PIEZO1: variants seen among roughly 807,000 people sequenced by gnomAD.
The protein encoded by PIEZO1 is piezo type mechanosensitive ion channel component 1 (Er blood group), also known as piezo-type mechanosensitive ion channel component 1.
A neutral mutation model predicts 297.2 loss-of-function variants in PIEZO1; 296 were observed. The observed-to-expected ratio is 1.00, with a 90% CI of 0.91 to 1.10. The LOEUF (loss-of-function observed/expected upper bound fraction) is 1.10, where lower values mean the gene tolerates loss of function less well. Ranked by LOEUF, PIEZO1 falls within the 50% of genes least tolerant of loss-of-function variation. PIEZO1 has a pLI of 0.00. For missense variants in PIEZO1, 5,018 were observed against 3,455.5 expected, an observed-to-expected ratio of 1.45 and a Z score of -11.34; for synonymous variants, 2,427 against 1,507.5, an observed-to-expected ratio of 1.61 and a Z score of -14.13.
At position 88,726,754 on chromosome 16, in the gene PIEZO1, C is replaced by G. The variant is rs746473353; in HGVS notation, c.3660G>C (p.Leu1220=). 9 of 1,550,006 alleles carry G rather than the reference C, an allele frequency of 5.8e-6. 1 individual carries two copies. The South Asian group carries it at 1.1e-4, about 18-fold the overall frequency. The change falls in exon 25 of 51, where the codon CTG becomes CTC. Residue 1220 remains leucine (L), a synonymous_variant. Coordinates refer to ENST00000301015, the MANE Select transcript of PIEZO1 (RefSeq NM_001142864.4). ...TGGAGATGATGACGGTGACGTTGTA[C>G]AGAATGAGGCAGTCCCACAGCACGA... The part of the protein sequence containing the change: ...ARLVLWDCLI[L]YNVTVIISKN...
At chr16:88,754,544 A>G (rs1906559164) in intron 1 of PIEZO1, among the ~76,000 whole-genome samples, 1 of 151,800 alleles carries the variant, frequency 6.6e-6, no homozygotes, top group Non-Finnish European at 1.5e-5. Flanking sequence ...ATCGAGGAGG[A>G]GCTGTCTGGC....
chr16:88,737,081 G>A (rs1597460668), intron 10 of PIEZO1: 3 of 246,322 alleles, frequency 1.2e-5, no homozygotes, highest in South Asian at 1.5e-4. Flanking sequence ...ATTGCAAAAT[G>A]GAAAATCAAG....
chr16:88,752,142 C>T (rs558654878), intron 1 of PIEZO1, among the ~76,000 whole-genome samples: 4 of 152,166 alleles, frequency 2.6e-5, no homozygotes. Flanking sequence ...CACAACAATG[C>T]GAACATGCTT....
chr16:88,734,293 G>A (rs1905063414), intron 16 of PIEZO1, 63 bp downstream of exon 16: 1 of 1,396,340 alleles, frequency 7.2e-7, no homozygotes. Flanking sequence ...CTCCCACCTG[G>A]CTCCCTCCCT....
At chr16:88,726,125 A>T (rs1904406518) in intron 27 of PIEZO1, 159 bp downstream of exon 27, 1 of 627,254 alleles carries the variant, frequency 1.6e-6, no homozygotes, top group Non-Finnish European at 2.8e-6. Context: ...GGTGCCGGGG[A>T]TCTGCCGGCC....
At chr16:88,722,134 C>A in intron 36 of PIEZO1, 68 bp from the exon 37 acceptor site, 1 of 1,521,724 alleles carries the variant, frequency 6.6e-7, no homozygotes, top group Admixed American at 2.0e-5. Context: ...CGATCTGTTG[C>A]CGGTCACAGT....
rs1352839803 is a variant in PIEZO1, at chr16:88,722,386, G to A, written c.4787C>T (p.Ala1596Val). The change falls in exon 36 of 51, where the codon GCG becomes GTG. Residue 1596 changes from alanine (A) to valine (V), a missense_variant. Transcript: ENST00000301015. ...APSTVSSGLGAEEPLSSMTDD... is the reference protein window; with the variant it reads ...APSTVSSGLGVEEPLSSMTDD... ...TGTCATGCTGCTGAGTGGCTCCTCC[G>A]CGCCCAGCCCACTGGGGAGGGAAGC... 2.5e-5 allele frequency: 37 copies of A among 1,505,212 alleles called. No homozygotes were observed. The highest frequency in any genetic ancestry group is 1.7e-4 in the Middle Eastern group (1 of 5,796). The allele number at this position is 1,505,212 out of a possible 1,614,324, so 93.2% of individuals were successfully genotyped here. A position where few individuals can be genotyped will look rare whatever the true frequency, so the allele number is the denominator to read the frequency against.
intron 4 of PIEZO1, 81 bp from the exon 5 acceptor site, chr16:88,741,697 T>C: frequency 1.6e-6 from 2 of 1,251,188 alleles, no homozygotes; most frequent in Non-Finnish European, 2.2e-6. Flanking sequence ...CAGGTGCGGG[T>C]GGGAGTGTGG....
rs1445702482 is a variant in PIEZO1 at position 88,736,290 on chromosome 16, A to G, written c.1415T>C (p.Leu472Pro). 1.3e-6 allele frequency: 2 copies of G among 1,550,218 alleles called. No homozygotes were observed. The highest frequency in any genetic ancestry group is 2.0e-5 in the Admixed American group (1 of 51,006). ...LAMLCSPCIL[L>P]YGMTLCCLRY... ...TAGGCAGCACAGCGTCATCCCATAC[A>G]GCAGGATGCAGGGCGAGCACAGCAT... is the stretch of plus-strand genomic sequence containing the variant. Residue 472 changes from leucine (L) to proline (P), a missense_variant, in exon 12 of 51, where the codon CTG (leucine) becomes CCG (proline). Leu to Pro is a moderately conservative substitution (Grantham distance 98). Transcript: ENST00000301015.
At chr16:88,740,460 G>A (rs1238151779) in intron 5 of PIEZO1, 4 of 152,268 alleles carry the variant, frequency 2.6e-5, no homozygotes, top group Admixed American at 2.0e-4. Context: ...AGGGAGGGGC[G>A]GGTCTCTTGG....
intron 2 of PIEZO1, among the ~76,000 whole-genome samples, chr16:88,748,433 A>G (rs1555559363): frequency 2.0e-5 from 1 of 51,048 alleles, no homozygotes; most frequent in Non-Finnish European, 4.3e-5. Flanking sequence ...ACGGGAGAGC[A>G]ACACAGTCCT....
rs1198583697 is a variant in PIEZO1, at chr16:88,719,615, C to T, written c.6430G>A (p.Ala2144Thr). ...CTGCATTTGATGATGAAGATGTTGG[C>T]ATAGATGTCCTCCACACACATCCAG... ...SSWMCVEDIY[A>T]NIFIIKCSRE... Residue 2144 changes from alanine (A) to threonine (T), a missense_variant, in exon 44 of 51, where the codon GCC (alanine) becomes ACC (threonine). Ala to Thr is a moderately conservative substitution (Grantham distance 58). Transcript: ENST00000301015. 6.4e-7 allele frequency: 1 copy of T among 1,552,216 alleles called. No individual in the cohort carries two copies. The highest frequency in any genetic ancestry group is 8.7e-7 in the Non-Finnish European group (1 of 1,147,808).
At chr16:88,739,003 C>G in intron 5 of PIEZO1, 2 of 545,670 alleles carry the variant, frequency 3.7e-6, no homozygotes, top group Non-Finnish European at 6.6e-6. Flanking sequence ...TCTGTCCTGC[C>G]AAGCCCAGGC....
In PIEZO1 at chr16:88,738,370, G is replaced by A. The variant is rs562175631; in HGVS notation, c.705C>T (p.Ala235=). ...CCCGAGTGCTGATGGGAAAGTGGCAGGCCCACCAGGTGCAGAGGGCCAGGA... is the reference window on the plus strand; with the variant it reads ...CCCGAGTGCTGATGGGAAAGTGGCAAGCCCACCAGGTGCAGAGGGCCAGGA... ...LLFLALCTWW[A]CHFPISTRGF... Residue 235 remains alanine, a synonymous_variant, in exon 7 of 51, where the codon GCC becomes GCT. Transcript: ENST00000301015. The A allele has an allele frequency of 1.1e-4, 169 of 1,535,880 alleles. No homozygotes were observed. In the African/African-American group the frequency reaches 1.8e-3, roughly 16 times the overall value.
chr16:88,743,869 G>A (rs987525521), intron 2 of PIEZO1: 1 of 325,814 alleles, frequency 3.1e-6, no homozygotes, highest in Non-Finnish European at 6.2e-6. Context: ...ACCTGTGGAG[G>A]ATGGGAGGGG....
At position 88,719,858 on chromosome 16, in the gene PIEZO1, G is replaced by A. The variant is rs1239079613; in HGVS notation, c.6267C>T (p.Ile2089=). 5 of 1,550,444 alleles carry A rather than the reference G, an allele frequency of 3.2e-6. No homozygotes were observed. The highest frequency in any genetic ancestry group is 3.9e-5 in the Admixed American group (2 of 50,994). The change falls in exon 43 of 51, where the codon ATC becomes ATT. Residue 2089 remains isoleucine, a synonymous_variant. Coordinates refer to ENST00000301015, the MANE Select transcript of PIEZO1 (RefSeq NM_001142864.4). ...ACTTCTTGGTGAGGAAGTTGCCGAG[G>A]ATGCGGGTGGGGTAGCCGCAGCGGA... is the stretch of plus-strand genomic sequence containing the variant. ...YQIRCGYPTR[I]LGNFLTKKYN...
chr16:88,741,359 C>T, intron 5 of PIEZO1, 119 bp downstream of exon 5: 1 of 990,024 alleles, frequency 1.0e-6, no homozygotes, highest in Non-Finnish European at 1.4e-6. Context: ...CTCTTTAACA[C>T]CAACTTACAA....
chr16:88,728,437 C>A (rs565899293), intron 22 of PIEZO1, among the ~76,000 whole-genome samples: 1 of 150,650 alleles, frequency 6.6e-6, no homozygotes, highest in African/African-American at 2.4e-5. Context: ...AACTCACAGC[C>A]CCATCTGCCA....
At chr16:88,753,033 A>G (rs1906469723) in intron 1 of PIEZO1, among the ~76,000 whole-genome samples, 2 of 151,876 alleles carry the variant, frequency 1.3e-5, no homozygotes, top group African/African-American at 4.8e-5. Context: ...AACACAGACA[A>G]GGAAAAGGCT....
Sources: gnomAD v4.1 joint callset for allele counts (sites outside exome capture counted in the v4.1 genomes callset) on GRCh38, gnomAD v4.1.1 for gene constraint, MANE v1.5 for transcripts, NCBI Gene and HGNC (gene_info 2026-07-23, HGNC 2026-07-21) for gene names.